Variants in ADD3 observed in about 807,000 individuals in gnomAD.
The protein encoded by ADD3 is gamma-adducin.
A neutral mutation model predicts 80.2 loss-of-function variants in ADD3; 25 were observed. That is an observed-to-expected ratio of 0.31 (90% confidence interval 0.23 to 0.44). The LOEUF is 0.44. Among genes scored for constraint, ADD3 ranks in the 20% least tolerant of loss-of-function variants. The pLI is 1.00. For missense variants in ADD3, 829 were observed against 847.5 expected (o/e 0.98, Z 0.27); for synonymous variants, 284 against 289.6 (o/e 0.98, Z 0.20).
chr10:110,068,966 A>G (rs377657232), intron 1 of ADD3, among the ~76,000 whole-genome samples: 28 of 152,128 alleles, frequency 1.8e-4, no homozygotes, highest in African/African-American at 6.7e-4. Flanking sequence ...GGTCCCAGCT[A>G]CTTGGGAGGC....
At chr10:110,049,977 C>G (rs894933255) in intron 1 of ADD3, among the ~76,000 whole-genome samples, 1 of 152,060 alleles carries the variant, frequency 6.6e-6, no homozygotes, top group Non-Finnish European at 1.5e-5. Context: ...CAGTTTCTCC[C>G]ATTTGGAACA....
rs1348398530 is a variant in ADD3 at position 110,133,537 on chromosome 10, A to G, written c.2040A>G (p.Lys680=). The change falls in exon 15 of 15, where the codon AAA becomes AAG. Residue 680 remains lysine (K), a synonymous_variant. Transcript: ENST00000356080. ...TGTCACCTGAAGGCTCCCCTTCAAA[A>G]TCGCCATCCAAGAAAAAGAAGAAAT... ...EVLSPEGSPS[K]SPSKKKKKFR... 5 of 1,612,298 alleles carry G rather than the reference A, an allele frequency of 3.1e-6. No individual in the cohort carries two copies. Among genetic ancestry groups the G allele is most frequent in the East Asian group, 2.2e-5 (1 of 44,852 alleles).
In ADD3 at chr10:110,130,462, G is replaced by A. The variant is rs767558945; in HGVS notation, c.1708G>A (p.Glu570Lys). ...GELEEYKRTIERKQQGLEDAE... is the reference protein window; with the variant it reads ...GELEEYKRTIKRKQQGLEDAE... ...ACTTGAAGAGTATAAGAGGACAATC[G>A]AACGTAAACAACAAGGCCTAGAAGG... Residue 570 changes from glutamate (E) to lysine (K), a missense_variant, in exon 13 of 15, where the codon GAA becomes AAA. Coordinates refer to ENST00000356080, the MANE Select transcript of ADD3 (RefSeq NM_016824.5). 1.7e-5 allele frequency: 28 copies of A among 1,613,708 alleles called. No homozygotes were observed. The highest frequency in any genetic ancestry group is 1.7e-4 in the Middle Eastern group (1 of 6,060).
intron 1 of ADD3, among the ~76,000 whole-genome samples, chr10:110,049,573 G>A (rs1857266364): frequency 6.6e-6 from 1 of 152,176 alleles, no homozygotes; most frequent in Non-Finnish European, 1.5e-5. Flanking sequence ...AGTCAAAGGA[G>A]ATCATTTTGG....
At chr10:110,063,919 A>G (rs1843593651) in intron 1 of ADD3, among the ~76,000 whole-genome samples, 1 of 151,290 alleles carries the variant, frequency 6.6e-6, no homozygotes, top group South Asian at 2.1e-4. Context: ...AACATACCAT[A>G]TTCTAAATTC....
chr10:110,061,754 ATTAGAATTGTATGAAATC>A (rs1043035129), intron 1 of ADD3, among the ~76,000 whole-genome samples: 1 of 152,232 alleles, frequency 6.6e-6, no homozygotes, highest in Non-Finnish European at 1.5e-5. Flanking sequence ...ATTATAGGAT[ATTAGAATTGTATGAAATC>A]TTCAAGGGCA....
intron 1 of ADD3, among the ~76,000 whole-genome samples, chr10:110,085,539 A>G (rs1284180338): frequency 6.6e-6 from 1 of 152,138 alleles, no homozygotes; most frequent in Non-Finnish European, 1.5e-5. Context: ...AATTTTTGGC[A>G]AAGGGTGGTA....
At chr10:110,111,883 A>C (rs1850068789) in intron 2 of ADD3, among the ~76,000 whole-genome samples, 1 of 151,686 alleles carries the variant, frequency 6.6e-6, no homozygotes, top group African/African-American at 2.4e-5. Flanking sequence ...GTTGCACTCT[A>C]GCCTGGGCAA....
intron 1 of ADD3, among the ~76,000 whole-genome samples, chr10:110,076,581 G>A (rs905096762): frequency 2.0e-5 from 3 of 152,152 alleles, no homozygotes; most frequent in Admixed American, 1.3e-4. Context: ...AGAGAAAGAG[G>A]TAATTTGTGT....
At chr10:110,040,520 A>G (rs1317219555) in intron 1 of ADD3, among the ~76,000 whole-genome samples, 1 of 152,236 alleles carries the variant, frequency 6.6e-6, no homozygotes, top group African/African-American at 2.4e-5. Flanking sequence ...CCATTGCAGT[A>G]TAAAGCAGAT....
chr10:110,049,704 G>A (rs539297662), intron 1 of ADD3, among the ~76,000 whole-genome samples: 21 of 152,222 alleles, frequency 1.4e-4, no homozygotes, highest in African/African-American at 4.1e-4. Flanking sequence ...TGGCTAACAC[G>A]GTGAAACCCC....
intron 10 of ADD3, 150 bp from the exon 11 acceptor site, chr10:110,125,676 G>T (rs1852058187): frequency 2.2e-6 from 1 of 446,136 alleles, no homozygotes; most frequent in Non-Finnish European, 3.9e-6. Flanking sequence ...TAACTAGTAT[G>T]AGATGAAACT....
Position 110,100,791 on chromosome 10 carries a change from A to G in ADD3, c.138A>G (p.Arg46=). ...AGAGGAACATGTCTCCTGATCTACG[A>G]CAAGACTTCAACATGATGGAGCAGA... ...IRERNMSPDL[R]QDFNMMEQRK... Residue 46 remains arginine (R), a synonymous_variant, in exon 2 of 15, where the codon CGA becomes CGG. Transcript: ENST00000356080. The G allele has an allele frequency of 6.2e-7, 1 of 1,613,486 alleles. No homozygotes were observed.
At chr10:110,132,655 C>T (rs575088544) in intron 14 of ADD3, 121 of 381,492 alleles carry the variant, frequency 3.2e-4, no homozygotes, top group Admixed American at 9.1e-4. Context: ...TGGCTGGGCG[C>T]GGTGGCTCAC....
intron 1 of ADD3, among the ~76,000 whole-genome samples, chr10:110,078,269 T>A (rs1490671599): frequency 6.6e-6 from 1 of 152,200 alleles, no homozygotes; most frequent in Non-Finnish European, 1.5e-5. Flanking sequence ...CCTGTACAGT[T>A]AGGAATTTAG....
intron 9 of ADD3, among the ~76,000 whole-genome samples, chr10:110,123,107 A>G (rs1851721363): frequency 6.6e-6 from 1 of 152,228 alleles, no homozygotes; most frequent in Admixed American, 6.5e-5. Context: ...CCACATTTAT[A>G]TCCCATCCAT....
intron 12 of ADD3, 28 bp downstream of exon 12, chr10:110,126,531 G>T: frequency 1.4e-6 from 2 of 1,476,792 alleles, no homozygotes; most frequent in Non-Finnish European, 1.9e-6. Flanking sequence ...TATGATCTTT[G>T]TTTTTTATTT....
chr10:110,006,227 A>T (rs77547154), upstream of ADD3: 1,921 of 153,030 alleles, frequency 0.013, 22 homozygotes, highest in Non-Finnish European at 0.018. Flanking sequence ...TGTTCATCAG[A>T]CATGCTTAAA....
chr10:110,019,151 T>TG (rs1853352303), intron 1 of ADD3, among the ~76,000 whole-genome samples: 1 of 152,146 alleles, frequency 6.6e-6, no homozygotes, highest in Non-Finnish European at 1.5e-5. Flanking sequence ...ATCTAATATG[T>TG]GGATGATGGA....
Sources: allele counts gnomAD v4.1 joint callset (sites outside exome capture counted in the v4.1 genomes callset), GRCh38; gene constraint gnomAD v4.1.1; transcripts MANE v1.5; gene names NCBI Gene and HGNC (gene_info 2026-07-23, HGNC 2026-07-21).